The following DAB2IP variants were observed in gnomAD, a reference collection of about 807,000 sequenced individuals.
DAB2IP encodes the protein disabled homolog 2-interacting protein.
In DAB2IP, 28 loss-of-function variants were observed where a neutral mutation model predicts 107.2. The ratio of observed to expected loss-of-function variants is 0.26; its 90% CI spans 0.19 to 0.36. DAB2IP has a LOEUF of 0.36. Ranked by LOEUF, DAB2IP falls within the 10% of genes least tolerant of loss-of-function variation. DAB2IP has a pLI of 1.00. For missense variants in DAB2IP, 1,400 were observed against 1,644.7 expected (o/e 0.85, Z 2.57); for synonymous variants, 755 against 706.4 (o/e 1.07, Z -1.09).
intron 2 of DAB2IP, among the ~76,000 whole-genome samples, chr9:121,682,554 G>A (rs1332758253): frequency 6.6e-6 from 1 of 152,164 alleles, no homozygotes; most frequent in Admixed American, 6.5e-5. Context: ...TGAGTCAGCC[G>A]AGGACCTGCA....
intron 1 of DAB2IP, among the ~76,000 whole-genome samples, chr9:121,641,765 A>C (rs1470059792): frequency 6.6e-6 from 1 of 150,772 alleles, no homozygotes; most frequent in Non-Finnish European, 1.5e-5. Flanking sequence ...TCCCACAGCC[A>C]GCCTGCCTGC....
At chr9:121,740,156 C>T (rs1164782578) in intron 3 of DAB2IP, among the ~76,000 whole-genome samples, 3 of 152,174 alleles carry the variant, frequency 2.0e-5, no homozygotes, top group South Asian at 4.2e-4. Context: ...GAGGGGAGGG[C>T]CAGGGAGGGG....
chr9:121,741,996 A>G (rs866100369), intron 3 of DAB2IP, among the ~76,000 whole-genome samples: 3 of 151,994 alleles, frequency 2.0e-5, no homozygotes, highest in Non-Finnish European at 2.9e-5. Flanking sequence ...TTTCTTTACC[A>G]TCAGGCTACA....
rs35324441 is a variant in DAB2IP at position 121,676,635 on chromosome 9, G to GCA, written c.125-2027_125-2026dup. Among the ~76,000 whole-genome samples, 130 of 150,544 alleles carry GCA rather than the reference G, an allele frequency of 8.6e-4. 1 individual carries two copies. The highest frequency in any genetic ancestry group is 2.7e-3 in the South Asian group (13 of 4,740). ...CGTAGGTGTTAGGAGTTCTGCAGAC[G>GCA]CACACACACACACACACTCACACAC... On this transcript the variant is annotated intron_variant, in intron 1 of 15. Transcript: ENST00000408936.
rs561641611 is a variant in DAB2IP at position 121,736,003 on chromosome 9, C to T, written c.363-21010C>T. ...ACCCGACCTTTCCCTTCTGTCCTGC[C>T]GGACTAGCCGGGTGCTTTCCAGAAG... is the stretch of plus-strand genomic sequence containing the variant. On this transcript the variant is annotated intron_variant, in intron 3 of 15. Transcript: ENST00000408936. The surrounding 1 kb of genome is among the most constrained non-coding windows in gnomAD (Gnocchi z 4.6). Among the ~76,000 whole-genome samples, 1 of 152,310 alleles carries T rather than the reference C, an allele frequency of 6.6e-6. No individual in the cohort carries two copies. The highest frequency in any genetic ancestry group is 1.9e-4 in the East Asian group (1 of 5,166).
rs149023739 is a variant in DAB2IP, at chr9:121,621,008, C to T, written c.40+53780C>T. The stretch of plus-strand genomic sequence containing the variant: ...TCGCATTCACCTGCTCCCCCAGGTC[C>T]CAACTTTCCTCTTTGAGGGGAAGAC... On this transcript the variant is annotated intron_variant, in intron 1 of 16. Coordinates refer to the DAB2IP transcript ENST00000259371. Among the ~76,000 whole-genome samples the T allele has an allele frequency of 8.9e-3, 1,356 of 152,318 alleles. 30 individuals are homozygous for T. The highest frequency in any genetic ancestry group is 0.03 in the African/African-American group (1,254 of 41,560).
chr9:121,737,443 A>T, intron 3 of DAB2IP: 1 of 985,340 alleles, frequency 1.0e-6, no homozygotes, highest in Non-Finnish European at 1.2e-6. Flanking sequence ...CGGGAAGGGG[A>T]AGCCCTCCTA....
chr9:121,769,857 G>A lies in DAB2IP; in HGVS notation c.1900-689G>A, dbSNP rs149315258. Among the ~76,000 whole-genome samples, 151 of 152,358 alleles carry A rather than the reference G, an allele frequency of 9.9e-4. 2 individuals are homozygous for A. The highest frequency in any genetic ancestry group is 6.8e-3 in the Middle Eastern group (2 of 294). ...AGTATTGTCACATCGGTGATAGGGT[G>A]CAACAGGGATTTGAAACTCAACTGT... On this transcript the variant is annotated intron_variant, in intron 10 of 15. Transcript: ENST00000408936.
Position 121,698,580 on chromosome 9 carries a change from A to T in DAB2IP, c.229-745A>T, listed in dbSNP as rs977925707. ...CCTCGGGCCCCTCCCTGAGCTGAGCACTAGGGATCCCGTCCCGCAAGGTGG... is the reference window on the plus strand; with the variant it reads ...CCTCGGGCCCCTCCCTGAGCTGAGCTCTAGGGATCCCGTCCCGCAAGGTGG... On this transcript the variant is annotated intron_variant, in intron 2 of 15. Coordinates refer to ENST00000408936, the Ensembl canonical transcript of DAB2IP. This position sits in a 1 kb window ranked among gnomAD's most constrained non-coding sequence, Gnocchi z 4.1. 3.3e-5 allele frequency among the ~76,000 whole-genome samples: 5 copies of T among 152,156 alleles called. No individual in the cohort carries two copies. The highest frequency in any genetic ancestry group is 1.2e-4 in the African/African-American group (5 of 41,442).
chr9:121,765,043 C>G (rs546710376), intron 8 of DAB2IP, among the ~76,000 whole-genome samples: 7 of 152,296 alleles, frequency 4.6e-5, no homozygotes, highest in African/African-American at 1.7e-4. Context: ...AGGGCCTTAG[C>G]CCCTGGGCTA....
In DAB2IP at chr9:121,772,409, T is replaced by G. The variant is rs1834828470; in HGVS notation, c.2079-198T>G. On this transcript the variant is annotated intron_variant, in intron 11 of 15. Transcript: ENST00000408936. This position sits in a 1 kb window ranked among gnomAD's most constrained non-coding sequence, Gnocchi z 4.7. ...GTGCTGGCCCCTAAAGAAGAGGTTC[T>G]GTGCAGGAGCAGCCGCCTCAGCCTC... 6.6e-6 allele frequency among the ~76,000 whole-genome samples: 1 copy of G among 152,142 alleles called. No individual in the cohort carries two copies.
rs1052016491 is a variant in DAB2IP at position 121,634,646 on chromosome 9, G to A, written c.41-44032G>A. Reference sequence around the variant, plus strand: ...CCAAAGAGGAAGTGGGGAGGCCCTCGTGGGAGTGTGGAAGAGGAGCACCTT... The same window carrying A: ...CCAAAGAGGAAGTGGGGAGGCCCTCATGGGAGTGTGGAAGAGGAGCACCTT... On this transcript the variant is annotated intron_variant, in intron 1 of 16. Transcript: ENST00000259371. The surrounding 1 kb of genome is among the most constrained non-coding windows in gnomAD (Gnocchi z 4.7). Among the ~76,000 whole-genome samples the A allele has an allele frequency of 5.0e-4, 76 of 152,316 alleles. No individual in the cohort carries two copies. Among genetic ancestry groups the A allele is most frequent in the African/African-American group, 1.7e-3 (71 of 41,556 alleles).
upstream of DAB2IP, among the ~76,000 whole-genome samples, chr9:121,647,597 A>C (rs1832581353): frequency 6.6e-6 from 1 of 152,044 alleles, no homozygotes; most frequent in Admixed American, 6.5e-5. Flanking sequence ...TTTTGGGTCC[A>C]TCCCTCCCTG....
intron 1 of DAB2IP, among the ~76,000 whole-genome samples, chr9:121,671,492 T>A (rs7863445): frequency 6.6e-6 from 1 of 152,236 alleles, no homozygotes; most frequent in Non-Finnish European, 1.5e-5. Context: ...ATTAAGAGTG[T>A]GGACTTCTTT....
intron 2 of DAB2IP, among the ~76,000 whole-genome samples, chr9:121,689,938 C>G (rs1433114283): frequency 6.6e-6 from 1 of 152,248 alleles, no homozygotes; most frequent in Non-Finnish European, 1.5e-5. Flanking sequence ...AGCTTTAGCT[C>G]TGGAGCAGCC....
intron 1 of DAB2IP, among the ~76,000 whole-genome samples, chr9:121,640,740 T>G (rs1832257173): frequency 6.6e-6 from 1 of 152,206 alleles, no homozygotes; most frequent in South Asian, 2.1e-4. Flanking sequence ...GCTGGGAACC[T>G]GTGGGCAGGC....
Position 121,783,051 on chromosome 9 carries a change from G to A in DAB2IP, c.*553G>A, listed in dbSNP as rs532331870. Reference sequence around the variant, plus strand: ...AGCAGGAGGTCAGTGTCCCCTGCCTGTCTCCATCCGAAGCACCTGCCACTG... The same window carrying A: ...AGCAGGAGGTCAGTGTCCCCTGCCTATCTCCATCCGAAGCACCTGCCACTG... On this transcript the variant is annotated 3_prime_UTR_variant, in exon 16 of 16. Coordinates refer to ENST00000408936, the Ensembl canonical transcript of DAB2IP. The A allele has an allele frequency of 1.9e-5, 20 of 1,032,778 alleles. No individual in the cohort carries two copies. In the East Asian group the frequency reaches 1.1e-3, roughly 59 times the overall value. The allele number at this position is 1,032,778 out of a possible 1,614,324, so 64.0% of individuals were successfully genotyped here. A position where few individuals can be genotyped will look rare whatever the true frequency, so the allele number is the denominator to read the frequency against.
rs936402733 is a variant in DAB2IP, at chr9:121,684,205, C to G, written c.228+5424C>G. 1.3e-5 allele frequency among the ~76,000 whole-genome samples: 2 copies of G among 152,180 alleles called. No individual in the cohort carries two copies. Among genetic ancestry groups the G allele is most frequent in the African/African-American group, 4.8e-5 (2 of 41,440 alleles). On this transcript the variant is annotated intron_variant, in intron 2 of 15. Coordinates refer to ENST00000408936, the Ensembl canonical transcript of DAB2IP. The surrounding 1 kb of genome is among the most constrained non-coding windows in gnomAD (Gnocchi z 4.0). ...TAGTGGGTGACCCTCCCGCCCATGT[C>G]ACCATGGAAAGGCTGTTGGAAATTA...
intron 14 of DAB2IP, among the ~76,000 whole-genome samples, chr9:121,777,165 A>G (rs1274224089): frequency 6.6e-6 from 1 of 152,146 alleles, no homozygotes; most frequent in Non-Finnish European, 1.5e-5. Flanking sequence ...CAGTAATACC[A>G]GGCACGGGAG....
Sources: gnomAD v4.1 joint callset for allele counts (sites outside exome capture counted in the v4.1 genomes callset) on GRCh38, gnomAD v4.1.1 for gene constraint, Gnocchi (gnomAD v3.1) non-coding constraint, MANE v1.5 for transcripts, NCBI Gene and HGNC (gene_info 2026-07-23, HGNC 2026-07-21) for gene names.